Variants in CNGB3 observed in about 807,000 individuals in gnomAD.
CNGB3 encodes cyclic nucleotide gated channel subunit beta 3, also known as cyclic nucleotide-gated channel beta-3.
Under a neutral mutation model 92.8 loss-of-function variants are expected in CNGB3, and 86 were observed. That is an observed-to-expected ratio of 0.93 (90% CI 0.78 to 1.11). The LOEUF is 1.11. CNGB3 is among the 50% of genes least tolerant of loss of function. The pLI is 0.00. For synonymous variants in CNGB3, 333 were observed against 332.7 expected (o/e 1.00, Z -0.01); for missense variants, 1,026 against 956.8 (o/e 1.07, Z -0.95).
intron 1 of CNGB3, 123 bp downstream of exon 1, chr8:86,743,376 A>C: frequency 9.7e-7 from 1 of 1,036,070 alleles, no homozygotes; most frequent in Non-Finnish European, 1.5e-6. Context: ...CCGACACAGT[A>C]CATGTACCAG....
At chr8:86,730,921 T>A (rs187768477) in intron 2 of CNGB3, among the ~76,000 whole-genome samples, 19 of 152,252 alleles carry the variant, frequency 1.2e-4, no homozygotes, top group Admixed American at 7.9e-4. Context: ...ATGACATACT[T>A]TATATTAAAA....
intron 3 of CNGB3, among the ~76,000 whole-genome samples, chr8:86,724,383 A>T (rs931624595): frequency 2.6e-5 from 4 of 152,114 alleles, no homozygotes; most frequent in Non-Finnish European, 5.9e-5. Flanking sequence ...AGACTTGGAG[A>T]GTCACTTGTG....
At chr8:86,733,933 C>G (rs545154035) in intron 2 of CNGB3, among the ~76,000 whole-genome samples, 1 of 152,156 alleles carries the variant, frequency 6.6e-6, no homozygotes, top group East Asian at 1.9e-4. Flanking sequence ...AGTGGCATGA[C>G]CATAGCTCAC....
chr8:86,611,516 T>C (rs1822519433), intron 14 of CNGB3, 72 bp downstream of exon 14: 1 of 1,244,694 alleles, frequency 8.0e-7, no homozygotes, highest in Non-Finnish European at 1.2e-6. Flanking sequence ...GTTTAAACAA[T>C]GTTCTTGACT....
chr8:86,629,174 T>G, intron 11 of CNGB3, 96 bp from the exon 12 acceptor site: 1 of 1,320,956 alleles, frequency 7.6e-7, no homozygotes, highest in Non-Finnish European at 1.1e-6. Context: ...TTCCTTCTAA[T>G]GCCCTGATTA....
chr8:86,704,488 T>A (rs1824616040), intron 3 of CNGB3: 1 of 152,206 alleles, frequency 6.6e-6, no homozygotes, highest in African/African-American at 2.4e-5. Context: ...TAACTAGGGA[T>A]GATAAAAACA....
chr8:86,586,302 G>A (rs2131540857), intron 15 of CNGB3, among the ~76,000 whole-genome samples: 1 of 151,086 alleles, frequency 6.6e-6, no homozygotes, highest in Middle Eastern at 3.4e-3. Flanking sequence ...TAAGAATATT[G>A]TAATAGTAAC....
rs868619332 is a variant in CNGB3 at position 86,661,459 on chromosome 8, C to T, written c.852+5466G>A. 5.4e-5 allele frequency: 31 copies of T among 569,356 alleles called. 1 individual carries two copies. The Middle Eastern group carries it at 1.8e-3, about 33-fold the overall frequency. The allele number at this position is 569,356 out of a possible 1,614,324, so 35.3% of individuals were successfully genotyped here. ...GTTTTATAACTCCATGATCTGCATA[C>T]GTCCCTGAGCTCTTTCATAAGTCCA... On this transcript the variant is annotated intron_variant, in intron 6 of 17. Transcript: ENST00000320005.
At chr8:86,719,604 C>G (rs1824927215) in intron 3 of CNGB3, among the ~76,000 whole-genome samples, 1 of 151,920 alleles carries the variant, frequency 6.6e-6, no homozygotes, top group African/African-American at 2.4e-5. Flanking sequence ...TAATTCCTGT[C>G]AAAAATACCA....
chr8:86,644,010 T>C, intron 9 of CNGB3, 137 bp from the exon 10 acceptor site: 1 of 792,224 alleles, frequency 1.3e-6, no homozygotes, highest in Non-Finnish European at 2.0e-6. Context: ...ATTAGTACAG[T>C]ACAAAGTGAT....
At chr8:86,688,494 G>A (rs755985127) in intron 3 of CNGB3, among the ~76,000 whole-genome samples, 1 of 151,924 alleles carries the variant, frequency 6.6e-6, no homozygotes, top group African/African-American at 2.4e-5. Flanking sequence ...CTTTCAAGAC[G>A]CCAAGTAGGA....
intron 2 of CNGB3, among the ~76,000 whole-genome samples, chr8:86,737,783 T>C (rs1401841266): frequency 6.6e-6 from 1 of 152,178 alleles, no homozygotes; most frequent in Non-Finnish European, 1.5e-5. Flanking sequence ...CCCATCTTTA[T>C]ATGTGTACTT....
Position 86,708,712 on chromosome 8 carries a change from C to A in CNGB3, c.338+17819G>T, listed in dbSNP as rs115400348. On this transcript the variant is annotated intron_variant, in intron 3 of 17. Transcript: ENST00000320005. Reference sequence around the variant, plus strand: ...ACCTCCTAGTAGTTGGGACTGCAGGCATGTGCCACCATGCCTGAAGAATTT... The same window carrying A: ...ACCTCCTAGTAGTTGGGACTGCAGGAATGTGCCACCATGCCTGAAGAATTT... Among the ~76,000 whole-genome samples, 1,340 of 151,798 alleles carry A rather than the reference C, an allele frequency of 8.8e-3. 17 individuals are homozygous for A. Among genetic ancestry groups the A allele is most frequent in the African/African-American group, 0.03 (1,249 of 41,390 alleles).
intron 3 of CNGB3, among the ~76,000 whole-genome samples, chr8:86,679,608 C>A (rs562970841): frequency 5.7e-4 from 87 of 152,088 alleles, no homozygotes; most frequent in African/African-American, 1.9e-3. Flanking sequence ...TCACTGCAAC[C>A]TTTGCCTCCT....
intron 15 of CNGB3, chr8:86,593,771 T>C (rs1822106514): frequency 1.5e-6 from 2 of 1,314,636 alleles, no homozygotes; most frequent in Non-Finnish European, 2.1e-6. Context: ...GCCAGGGCAG[T>C]ACTTATCAAT....
At chr8:86,621,511 G>T (rs766749587) in intron 13 of CNGB3, among the ~76,000 whole-genome samples, 36 of 151,938 alleles carry the variant, frequency 2.4e-4, no homozygotes, top group African/African-American at 3.1e-4. Context: ...GGAACAAGTG[G>T]TTTTTGGTTA....
chr8:86,588,507 T>C (rs1442698357), intron 15 of CNGB3, among the ~76,000 whole-genome samples: 4 of 149,804 alleles, frequency 2.7e-5, no homozygotes, highest in Non-Finnish European at 4.4e-5. Context: ...TTTTGAAATA[T>C]GTCCCATCAA....
intron 6 of CNGB3, among the ~76,000 whole-genome samples, chr8:86,662,943 G>C (rs955285263): frequency 1.3e-5 from 2 of 152,204 alleles, no homozygotes; most frequent in African/African-American, 2.4e-5. Flanking sequence ...GGATGAAAAA[G>C]ATTGTATTCA....
chr8:86,710,477 T>C (rs1824728835), intron 3 of CNGB3, among the ~76,000 whole-genome samples: 1 of 152,022 alleles, frequency 6.6e-6, no homozygotes, highest in Non-Finnish European at 1.5e-5. Flanking sequence ...AGGATGAAGA[T>C]CTTAAGAAAC....
Sources: gnomAD v4.1 joint callset for allele counts (sites outside exome capture counted in the v4.1 genomes callset) on GRCh38, gnomAD v4.1.1 for gene constraint, MANE v1.5 for transcripts, NCBI Gene and HGNC (gene_info 2026-07-23, HGNC 2026-07-21) for gene names.